Variants in PLD2 observed in about 807,000 individuals in gnomAD.
PLD2 encodes the protein phospholipase D2.
A neutral mutation model predicts 119.8 loss-of-function variants in PLD2; 101 were observed. The observed-to-expected ratio is 0.84, with a 90% CI of 0.72 to 0.99. PLD2 has a LOEUF of 0.99. PLD2 is among the 50% of genes least tolerant of loss of function. PLD2 has a pLI of 0.00. For missense variants in PLD2, 1,164 were observed against 1,226.8 expected, an observed-to-expected ratio of 0.95 and a Z score of 0.76; for synonymous variants, 494 against 482.8, an observed-to-expected ratio of 1.02 and a Z score of -0.30.
intron 20 of PLD2, 46 bp downstream of exon 20, chr17:4,818,653 C>G (rs368016324): frequency 1.9e-5 from 30 of 1,551,260 alleles, no homozygotes; most frequent in African/African-American, 2.7e-5. Flanking sequence ...CCATCCCACC[C>G]GTGTCCCCCT....
chr17:4,809,799 AAGC>A lies in PLD2; in HGVS notation c.707+20_707+22del. ...GGTCCAAGAGGTACGGGCTATGGCCAAGCAGCTGGGCAGTGGGTGGGGGTGAGG... is the reference window on the plus strand; with the variant it reads ...GGTCCAAGAGGTACGGGCTATGGCCAAGCTGGGCAGTGGGTGGGGGTGAGG... On this transcript the variant is annotated intron_variant, in intron 8 of 24. Coordinates refer to ENST00000263088, the MANE Select transcript of PLD2 (RefSeq NM_002663.5). 6.2e-7 allele frequency: 1 copy of A among 1,614,108 alleles called. No individual in the cohort carries two copies. Among genetic ancestry groups the A allele is most frequent in the African/African-American group, 1.3e-5 (1 of 75,028 alleles).
Position 4,808,250 on chromosome 17 carries a change from C to A in PLD2, c.241-24C>A, listed in dbSNP as rs748878137. 2 of 1,612,390 alleles carry A rather than the reference C, an allele frequency of 1.2e-6. No homozygotes were observed. The highest frequency in any genetic ancestry group is 1.7e-6 in the Non-Finnish European group (2 of 1,178,898). ...AGGCGGGGACCCACGCAGGGGACAT[C>A]CATTCAGTTCCTCATACCCCTAGGT... On this transcript the variant is annotated intron_variant, in intron 3 of 24. Coordinates refer to ENST00000263088, the MANE Select transcript of PLD2 (RefSeq NM_002663.5). The surrounding 1 kb of genome is among the most constrained non-coding windows in gnomAD (Gnocchi z 4.1).
chr17:4,818,593 G>A lies in PLD2; in HGVS notation c.2109G>A (p.Leu703=), dbSNP rs1907287105. The change falls in exon 20 of 25, where the codon CTG becomes CTA. Residue 703 remains leucine (L), a synonymous_variant. Coordinates refer to ENST00000263088, the MANE Select transcript of PLD2 (RefSeq NM_002663.5). ...TGGGNSIQAI[L]HFTYRTLCRG... is the part of the protein sequence containing the mutation. Reference sequence around the variant, plus strand: ...GTGGCAACTCCATCCAGGCCATTCTGCACTTTACTTACAGGTGACCCCCCA... The same window carrying A: ...GTGGCAACTCCATCCAGGCCATTCTACACTTTACTTACAGGTGACCCCCCA... The A allele has an allele frequency of 3.7e-6, 6 of 1,613,032 alleles. No homozygotes were observed. The highest frequency in any genetic ancestry group is 5.1e-6 in the Non-Finnish European group (6 of 1,179,126).
At chr17:4,814,884 G>A (rs190267734) in intron 12 of PLD2, among the ~76,000 whole-genome samples, 173 bp downstream of exon 12, 10 of 152,200 alleles carry the variant, frequency 6.6e-5, no homozygotes, top group South Asian at 2.1e-4. Flanking sequence ...CTGCCCTAAG[G>A]AGAACTGACA....
chr17:4,807,966 G>A lies in PLD2; in HGVS notation c.110-18G>A, dbSNP rs1433206496. ...GGGCCTGTTGTGGTCTACACTCCTCGACTTTCTTTCCTCCCAGCCGACCGG... is the reference window on the plus strand; with the variant it reads ...GGGCCTGTTGTGGTCTACACTCCTCAACTTTCTTTCCTCCCAGCCGACCGG... On this transcript the variant is annotated intron_variant, in intron 2 of 24. Coordinates refer to ENST00000263088, the MANE Select transcript of PLD2 (RefSeq NM_002663.5). This position sits in a 1 kb window ranked among gnomAD's most constrained non-coding sequence, Gnocchi z 5.4. 1.2e-6 allele frequency: 2 copies of A among 1,606,234 alleles called. No homozygotes were observed. The highest frequency in any genetic ancestry group is 2.2e-5 in the East Asian group (1 of 44,602).
chr17:4,820,777 C>A (rs182436112), intron 23 of PLD2, among the ~76,000 whole-genome samples: 8 of 145,566 alleles, frequency 5.5e-5, no homozygotes, highest in African/African-American at 1.8e-4. Flanking sequence ...GGGGTTTCAC[C>A]GTGTTAGCCA....
chr17:4,810,566 A>G (rs1037266601), intron 9 of PLD2, among the ~76,000 whole-genome samples: 19 of 152,244 alleles, frequency 1.2e-4, no homozygotes, highest in African/African-American at 4.1e-4. Flanking sequence ...AATCGCTTGA[A>G]GCTGGGGTGC....
chr17:4,822,423 T>G (rs1597341621), intron 24 of PLD2, among the ~76,000 whole-genome samples: 4 of 140,492 alleles, frequency 2.8e-5, no homozygotes, highest in African/African-American at 5.4e-5. Context: ...ACCCGAGAGG[T>G]GGAGATTGTA....
chr17:4,823,053 G>A lies in PLD2; in HGVS notation c.*189G>A. On this transcript the variant is annotated 3_prime_UTR_variant, in exon 25 of 25. Coordinates refer to ENST00000263088, the MANE Select transcript of PLD2 (RefSeq NM_002663.5). ...AGCTGAAAAGGGCACTCCCAACCCT[G>A]GGCTGGGGAGGAGGAGAGAGTCCCA... 3.5e-6 allele frequency: 2 copies of A among 570,360 alleles called. No individual in the cohort carries two copies. The highest frequency in any genetic ancestry group is 3.0e-5 in the Admixed American group (1 of 32,948). 35.3% of individuals were successfully genotyped at this position (570,360 alleles called of 1,614,324 possible).
chr17:4,815,498 T>C lies in PLD2; in HGVS notation c.1196T>C (p.Ile399Thr). The C allele has an allele frequency of 6.2e-7, 1 of 1,612,222 alleles. No individual in the cohort carries two copies. The change falls in exon 13 of 25, where the codon ATT becomes ACT. Residue 399 changes from isoleucine to threonine, a missense_variant. Coordinates refer to ENST00000263088, the MANE Select transcript of PLD2 (RefSeq NM_002663.5). ...RKAEEGVRVS[I>T]LLFKEVELAL... ...CAGGAGGAGGGTGTCCGTGTGTCTA[T>C]TCTGCTGTTTAAAGAAGTGGAATTG...
At position 4,819,101 on chromosome 17, in the gene PLD2, G is replaced by A; in HGVS notation, c.2191G>A (p.Asp731Asn). 1 of 1,614,182 alleles carries A rather than the reference G, an allele frequency of 6.2e-7. No individual in the cohort carries two copies. Among genetic ancestry groups the A allele is most frequent in the South Asian group, 1.1e-5 (1 of 91,086 alleles). The change falls in exon 22 of 25, where the codon GAC becomes AAC. Residue 731 changes from aspartate (D) to asparagine (N), a missense_variant. Physicochemically the swap from Asp to Asn is conservative, Grantham distance 23. Coordinates refer to ENST00000263088, the MANE Select transcript of PLD2 (RefSeq NM_002663.5). The surrounding 1 kb of genome is among the most constrained non-coding windows in gnomAD (Gnocchi z 4.2). Reference sequence around the variant, plus strand: ...TCACGCAGTGGGGACAGCATGGCGGGACTATATTTCCATCTGCGGGCTTCG... The same window carrying A: ...TCACGCAGTGGGGACAGCATGGCGGAACTATATTTCCATCTGCGGGCTTCG... ...LKAAMGTAWR[D>N]YISICGLRTH...
intron 12 of PLD2, among the ~76,000 whole-genome samples, chr17:4,815,070 C>T (rs1906838067): frequency 6.6e-6 from 1 of 151,908 alleles, no homozygotes; most frequent in African/African-American, 2.4e-5. Flanking sequence ...TGTTGATGGA[C>T]AGGAAGAAGG....
At chr17:4,816,784 G>C (rs764851117) in intron 15 of PLD2, 38 bp downstream of exon 15, 2 of 1,614,068 alleles carry the variant, frequency 1.2e-6, no homozygotes, top group Non-Finnish European at 8.5e-7. Flanking sequence ...AGAGAGCTGA[G>C]AGCAGGGTCA....
At chr17:4,812,483 C>T (rs1011131952) in intron 10 of PLD2, among the ~76,000 whole-genome samples, 3 of 151,758 alleles carry the variant, frequency 2.0e-5, no homozygotes, top group African/African-American at 4.8e-5. Flanking sequence ...TTAGTAGAGC[C>T]AGGGTTTCAC....
chr17:4,822,700 G>C lies in PLD2; in HGVS notation c.2638G>C (p.Ala880Pro), dbSNP rs369059895. ...CCTGCGGACTCTCCGGGAGTACGTG[G>C]CCGTGGAGCCCTTGGCCACGGTCAG... Reference protein sequence around the residue: ...RSLRTLREYVAVEPLATVSPP... With the variant: ...RSLRTLREYVPVEPLATVSPP... The change falls in exon 25 of 25, where the codon GCC becomes CCC. Residue 880 changes from alanine (A) to proline (P), a missense_variant. By Grantham distance (27) the Ala-to-Pro change is conservative (BLOSUM62 -1). Transcript: ENST00000263088. 6.2e-7 allele frequency: 1 copy of C among 1,614,138 alleles called. No homozygotes were observed. Among genetic ancestry groups the C allele is most frequent in the Non-Finnish European group, 8.5e-7 (1 of 1,180,006 alleles).
At chr17:4,818,659 C>T (rs1302934331) in intron 20 of PLD2, 52 bp downstream of exon 20, 1 of 1,551,330 alleles carries the variant, frequency 6.4e-7, no homozygotes, top group East Asian at 2.2e-5. Context: ...CACCCGTGTC[C>T]CCCTCCTGAT....
intron 9 of PLD2, 124 bp from the exon 10 acceptor site, chr17:4,810,678 C>A: frequency 1.1e-6 from 1 of 901,206 alleles, no homozygotes; most frequent in Non-Finnish European, 1.7e-6. Context: ...CAGATACATA[C>A]ACGCCCTATC....
At position 4,808,324 on chromosome 17, in the gene PLD2, C is replaced by T; in HGVS notation, c.291C>T (p.Ser97=). 1 of 1,614,088 alleles carries T rather than the reference C, an allele frequency of 6.2e-7. No individual in the cohort carries two copies. The highest frequency in any genetic ancestry group is 8.5e-7 in the Non-Finnish European group (1 of 1,179,954). The part of the protein sequence containing the change: ...YSVRLTHGDF[S]WTTKKKYRHF... The stretch of plus-strand genomic sequence containing the variant: ...TCCGCTTGACTCACGGCGACTTTTC[C>T]TGGACAACCAAGAAGAAATACCGTC... The change falls in exon 4 of 25, where the codon TCC becomes TCT. Residue 97 remains serine, a synonymous_variant. Coordinates refer to ENST00000263088, the MANE Select transcript of PLD2 (RefSeq NM_002663.5). This position sits in a 1 kb window ranked among gnomAD's most constrained non-coding sequence, Gnocchi z 4.1.
At chr17:4,815,964 C>T (rs1202476132) in intron 14 of PLD2, 30 bp downstream of exon 14, 1 of 1,499,870 alleles carries the variant, frequency 6.7e-7, no homozygotes, top group Non-Finnish European at 9.3e-7. Context: ...CCTGAGCACC[C>T]CCAAACTCAG....
Sources: gnomAD v4.1 joint callset for allele counts (sites outside exome capture counted in the v4.1 genomes callset) on GRCh38, gnomAD v4.1.1 for gene constraint, Gnocchi (gnomAD v3.1) non-coding constraint, MANE v1.5 for transcripts, NCBI Gene and HGNC (gene_info 2026-07-23, HGNC 2026-07-21) for gene names.